AARS2: variants seen among roughly 807,000 people sequenced by gnomAD.
The protein encoded by AARS2 is alanyl-tRNA synthetase 2, mitochondrial.
In AARS2, 78 loss-of-function variants were observed where a neutral mutation model predicts 119.7. That is an observed-to-expected ratio of 0.65 (90% CI 0.54 to 0.79). The LOEUF is 0.79. AARS2 is among the 30% of genes least tolerant of loss of function. AARS2 has a pLI of 0.00. For missense variants in AARS2, 1,157 were observed against 1,291.3 expected, an observed-to-expected ratio of 0.90 and a Z score of 1.59; for synonymous variants, 502 against 526.3, an observed-to-expected ratio of 0.95 and a Z score of 0.63.
In AARS2 at chr6:44,306,953, G is replaced by A. The variant is rs1319812544; in HGVS notation, c.1119C>T (p.Gly373=). The stretch of plus-strand genomic sequence containing the variant: ...TCTCCACCACTACAGGTACCAGGCT[G>A]CCTAGGAAGCCAGGTGGTGCCTTTA... The part of the protein sequence containing the change: ...EILKAPPGFL[G]SLVPVVVETL... Residue 373 remains glycine (G), a synonymous_variant, in exon 7 of 22, where the codon GGC becomes GGT. Coordinates refer to ENST00000244571, the MANE Select transcript of AARS2 (RefSeq NM_020745.4). The A allele has an allele frequency of 2.5e-6, 4 of 1,614,002 alleles. No individual in the cohort carries two copies. Among genetic ancestry groups the A allele is most frequent in the East Asian group, 4.5e-5 (2 of 44,880 alleles).
At chr6:44,300,924 G>C in intron 21 of AARS2, 2 of 730,756 alleles carry the variant, frequency 2.7e-6, no homozygotes, top group Non-Finnish European at 4.6e-6. Flanking sequence ...TTGTTTACAA[G>C]GGATGTGAGG....
chr6:44,307,284 G>A lies in AARS2; in HGVS notation c.1005C>T (p.Ile335=), dbSNP rs1224268932. ...ADHIRTLSVC[I]SDGIFPGMSG... ...ACATCCCAGGGAAGATGCCATCAGA[G>A]ATGCAGACACTGAGTGTGCGGATGT... Residue 335 remains isoleucine, a synonymous_variant, in exon 6 of 22, where the codon ATC becomes ATT. Coordinates refer to ENST00000244571, the MANE Select transcript of AARS2 (RefSeq NM_020745.4). This position sits in a 1 kb window ranked among gnomAD's most constrained non-coding sequence, Gnocchi z 4.4. 1.2e-6 allele frequency: 2 copies of A among 1,614,044 alleles called. No individual in the cohort carries two copies. The highest frequency in any genetic ancestry group is 1.7e-6 in the Non-Finnish European group (2 of 1,179,984).
intron 5 of AARS2, among the ~76,000 whole-genome samples, chr6:44,308,408 G>A (rs942833271): frequency 1.3e-5 from 2 of 151,840 alleles, no homozygotes; most frequent in African/African-American, 4.8e-5. Flanking sequence ...GTGTGTTGGC[G>A]GGTGCCTGTA....
At chr6:44,301,938 A>G in intron 19 of AARS2, 122 bp downstream of exon 19, 1 of 968,914 alleles carries the variant, frequency 1.0e-6, no homozygotes, top group Non-Finnish European at 1.6e-6. Flanking sequence ...AGGAGAAGGA[A>G]GCTGCCACCA....
At chr6:44,308,221 C>G (rs532556903) in intron 5 of AARS2, among the ~76,000 whole-genome samples, 21 of 152,284 alleles carry the variant, frequency 1.4e-4, no homozygotes, top group African/African-American at 4.6e-4. Context: ...ATCCTCCACA[C>G]AGCAACAGGA....
intron 9 of AARS2, 81 bp downstream of exon 9, chr6:44,306,199 G>A (rs1431455709): frequency 7.5e-7 from 1 of 1,330,002 alleles, no homozygotes; most frequent in Non-Finnish European, 1.1e-6. Flanking sequence ...TGAGGCATGG[G>A]GCTGGCCCAG....
At chr6:44,304,385 G>T (rs1448283689) in intron 13 of AARS2, 35 bp downstream of exon 13, 1 of 1,614,010 alleles carries the variant, frequency 6.2e-7, no homozygotes, top group African/African-American at 1.3e-5. Flanking sequence ...TGAAGGGGCT[G>T]CAGGGTATTG....
chr6:44,311,599 A>T, intron 2 of AARS2, 64 bp from the exon 3 acceptor site: 1 of 1,585,146 alleles, frequency 6.3e-7, no homozygotes, highest in Admixed American at 1.7e-5. Context: ...CCACTGAAGT[A>T]ATCAAGCCAC....
intron 18 of AARS2, 26 bp downstream of exon 18, chr6:44,302,365 G>A: frequency 2.5e-6 from 4 of 1,613,974 alleles, no homozygotes; most frequent in Non-Finnish European, 3.4e-6. Flanking sequence ...GCTAGGAGAG[G>A]GTGGGGTGGT....
At position 44,313,074 on chromosome 6, in the gene AARS2, C is replaced by A. The variant is rs1786512767; in HGVS notation, c.243+7G>T. The A allele has an allele frequency of 6.2e-7, 1 of 1,613,118 alleles. No homozygotes were observed. The highest frequency in any genetic ancestry group is 1.3e-5 in the African/African-American group (1 of 75,074). ...TCCGCTCCCTATCAGTATGGTTCGG[C>A]CCTCACCTGGTTCATGCCCGCATTG... On this transcript the variant is annotated splice_region_variant and intron_variant, in intron 1 of 21. Transcript: ENST00000244571.
chr6:44,308,916 C>A (rs781706578), intron 5 of AARS2, among the ~76,000 whole-genome samples: 4 of 152,180 alleles, frequency 2.6e-5, no homozygotes, highest in Non-Finnish European at 4.4e-5. Flanking sequence ...GAACTCTTCT[C>A]ACCACTCTGA....
At position 44,305,763 on chromosome 6, in the gene AARS2, G is replaced by A. The variant is rs370725175; in HGVS notation, c.1324C>T (p.Leu442=). Residue 442 remains leucine, a synonymous_variant, in exon 10 of 22, where the codon CTG becomes TTG. Transcript: ENST00000244571. The surrounding 1 kb of genome is among the most constrained non-coding windows in gnomAD (Gnocchi z 4.6). The stretch of plus-strand genomic sequence containing the variant: ...AAGGGGAGTCCCAGGTCTCCACACA[G>A]TGACAAGGACCAGGCCACTTCAGCT... ...FPAEVAWSLS[L]CGDLGLPLDM... The A allele has an allele frequency of 3.1e-6, 5 of 1,614,034 alleles. No individual in the cohort carries two copies. In the African/African-American group the frequency reaches 6.7e-5, roughly 22 times the overall value.
intron 2 of AARS2, among the ~76,000 whole-genome samples, 185 bp from the exon 3 acceptor site, chr6:44,311,720 C>T (rs1786375196): frequency 6.6e-6 from 1 of 152,216 alleles, no homozygotes; most frequent in Non-Finnish European, 1.5e-5. Flanking sequence ...GAAAGCTTCC[C>T]CCTTCTTCTA....
chr6:44,300,633 G>T lies in AARS2; in HGVS notation c.2872C>A (p.Arg958=), dbSNP rs779332260. The T allele has an allele frequency of 6.2e-7, 1 of 1,613,954 alleles. No homozygotes were observed. The highest frequency in any genetic ancestry group is 1.1e-5 in the South Asian group (1 of 91,086). ...SHMGGKAWGS[R]VVAQGTGSTT... is the part of the protein sequence containing the mutation. Reference sequence around the variant, plus strand: ...CTTCCGGTGCCTTGGGCCACCACTCGTGAGCCCCACGCCTTGCCCCCCATG... The same window carrying T: ...CTTCCGGTGCCTTGGGCCACCACTCTTGAGCCCCACGCCTTGCCCCCCATG... The change falls in exon 22 of 22, where the codon CGA becomes AGA. Residue 958 remains arginine, a synonymous_variant. Transcript: ENST00000244571.
intron 5 of AARS2, among the ~76,000 whole-genome samples, chr6:44,309,098 T>C (rs549065646): frequency 4.7e-4 from 71 of 152,356 alleles, no homozygotes; most frequent in African/African-American, 1.6e-3. Context: ...CCTGAATCTC[T>C]GCTGGCTTTG....
In AARS2 at chr6:44,307,457, C is replaced by T. The variant is rs1457112810; in HGVS notation, c.895-63G>A. On this transcript the variant is annotated intron_variant, in intron 5 of 21. Coordinates refer to ENST00000244571, the MANE Select transcript of AARS2 (RefSeq NM_020745.4). The surrounding 1 kb of genome is among the most constrained non-coding windows in gnomAD (Gnocchi z 4.4). ...CCTGGCCCAGGTGGGTGCTCTTTAT[C>T]GCCTCTAGAGCATCTGCCCTCAGCC... 27 of 1,543,978 alleles carry T rather than the reference C, an allele frequency of 1.7e-5. No homozygotes were observed. The highest frequency in any genetic ancestry group is 1.7e-4 in the Middle Eastern group (1 of 5,964).
At position 44,304,299 on chromosome 6, in the gene AARS2, G is replaced by A. The variant is rs544333323; in HGVS notation, c.1889C>T (p.Ala630Val). ...VDEAWRLGCMAKHTATHLLNW... is the reference protein window; with the variant it reads ...VDEAWRLGCMVKHTATHLLNW... ...CAGCAGGTGGGTGGCCGTATGCTTC[G>A]CCATGCAGCCTAGACGCCAGGCCTG... is the stretch of plus-strand genomic sequence containing the variant. The change falls in exon 14 of 22, where the codon GCG becomes GTG. Residue 630 changes from alanine (A) to valine (V), a missense_variant. Physicochemically the swap from Ala to Val is moderately conservative, Grantham distance 64. Transcript: ENST00000244571. 9 of 1,614,150 alleles carry A rather than the reference G, an allele frequency of 5.6e-6. No homozygotes were observed. In the East Asian group the frequency reaches 6.7e-5, roughly 12 times the overall value.
In AARS2 at chr6:44,311,473, C is replaced by G; in HGVS notation, c.498G>C (p.Arg166Ser). ...LTQVYGIPEE[R>S]LWISYFDGDP... ...CACCATCAAAGTAGGAGATCCAGAG[C>G]CTTTCCTCAGGGATCCCATAGACCT... Residue 166 changes from arginine (R) to serine (S), a missense_variant, in exon 3 of 22, where the codon AGG becomes AGC. Transcript: ENST00000244571. 2 of 1,614,070 alleles carry G rather than the reference C, an allele frequency of 1.2e-6. No individual in the cohort carries two copies. Among genetic ancestry groups the G allele is most frequent in the Non-Finnish European group, 8.5e-7 (1 of 1,180,000 alleles).
rs1374073207 is a variant in AARS2 at position 44,301,480 on chromosome 6, G to A, written c.2599-16C>T. On this transcript the variant is annotated splice_polypyrimidine_tract_variant and intron_variant, in intron 19 of 21. Coordinates refer to ENST00000244571, the MANE Select transcript of AARS2 (RefSeq NM_020745.4). ...TCTTTGCAGCCTATGGGGCAGGAAGGACAAGCAGAGGGGTCAGGCTGAGAG... is the reference window on the plus strand; with the variant it reads ...TCTTTGCAGCCTATGGGGCAGGAAGAACAAGCAGAGGGGTCAGGCTGAGAG... 3 of 1,607,042 alleles carry A rather than the reference G, an allele frequency of 1.9e-6. No homozygotes were observed. The African/African-American group carries it at 4.0e-5, about 21-fold the overall frequency.
Sources: allele counts gnomAD v4.1 joint callset (sites outside exome capture counted in the v4.1 genomes callset), GRCh38; gene constraint gnomAD v4.1.1; non-coding constraint Gnocchi (gnomAD v3.1); transcripts MANE v1.5; gene names NCBI Gene and HGNC (gene_info 2026-07-23, HGNC 2026-07-21).